The following SARDH variants were observed in gnomAD, a reference collection of about 807,000 sequenced individuals.
SARDH encodes sarcosine dehydrogenase, mitochondrial.
SARDH carries 95 observed loss-of-function variants against 109.1 expected under a neutral mutation model. The ratio of observed to expected loss-of-function variants is 0.87; its 90% CI spans 0.74 to 1.03. The LOEUF (loss-of-function observed/expected upper bound fraction) is 1.03. Among genes scored for constraint, SARDH ranks in the 50% least tolerant of loss-of-function variants. The pLI, the probability that SARDH is intolerant of heterozygous loss-of-function variation, is 0.00. For missense variants in SARDH, 1,267 were observed against 1,287.8 expected (o/e 0.98, Z 0.25); for synonymous variants, 572 against 534.8 (o/e 1.07, Z -0.96).
At position 133,666,486 on chromosome 9, in the gene SARDH, C is replaced by T. The variant is rs1030204457; in HGVS notation, c.2631+249G>A. Among the ~76,000 whole-genome samples, 2 of 151,974 alleles carry T rather than the reference C, an allele frequency of 1.3e-5. No homozygotes were observed. The highest frequency in any genetic ancestry group is 2.9e-5 in the Non-Finnish European group (2 of 67,964). On this transcript the variant is annotated intron_variant, in intron 20 of 20. Coordinates refer to ENST00000439388, the MANE Select transcript of SARDH (RefSeq NM_001134707.2). This position sits in a 1 kb window ranked among gnomAD's most constrained non-coding sequence, Gnocchi z 5.2. ...GCTGAGGCCTCTTCCTCCCCCTTCT[C>T]CTTCTCCCTCCCTCCTCCCTCTCCC...
At chr9:133,725,476 C>T (rs1312335797) in intron 6 of SARDH, 9 of 408,350 alleles carry the variant, frequency 2.2e-5, no homozygotes, top group African/African-American at 1.7e-4. Context: ...AGTTCGAGAC[C>T]AGCCTTGGCA....
In SARDH at chr9:133,730,528, T is replaced by TAAAA. The variant is rs33917417; in HGVS notation, c.691-345_691-342dup. 8.5e-3 allele frequency among the ~76,000 whole-genome samples: 1,209 copies of TAAAA among 142,660 alleles called. 12 individuals carry two copies. The highest frequency in any genetic ancestry group is 0.039 in the Admixed American group (554 of 14,284). 93.6% of individuals were successfully genotyped at this position (142,660 alleles called of 152,430 possible). On this transcript the variant is annotated intron_variant, in intron 4 of 20. Transcript: ENST00000439388. ...AAGATGTTTGCAGTCTACTGCTTGG[T>TAAAA]AAAAAAAAAAAAATCACAAAATAAC...
intron 3 of SARDH, 109 bp from the exon 4 acceptor site, chr9:133,731,593 A>C: frequency 3.5e-6 from 4 of 1,159,260 alleles, no homozygotes; most frequent in Non-Finnish European, 5.0e-6. Context: ...TTTCTCCCAG[A>C]AGCCTTAGCC....
intron 14 of SARDH, among the ~76,000 whole-genome samples, 165 bp downstream of exon 14, chr9:133,696,058 T>G (rs1029312954): frequency 1.1e-3 from 85 of 77,228 alleles, no homozygotes; most frequent in Non-Finnish European, 1.1e-3. Context: ...GGGCCTGGGA[T>G]GGGGCAAAGG....
At position 133,709,629 on chromosome 9, in the gene SARDH, G is replaced by A. The variant is rs926115662; in HGVS notation, c.1329-1201C>T. Among the ~76,000 whole-genome samples the A allele has an allele frequency of 3.3e-5, 5 of 152,290 alleles. No homozygotes were observed. The highest frequency in any genetic ancestry group is 1.2e-4 in the African/African-American group (5 of 41,534). On this transcript the variant is annotated intron_variant, in intron 10 of 20. Transcript: ENST00000439388. This position sits in a 1 kb window ranked among gnomAD's most constrained non-coding sequence, Gnocchi z 4.2. ...TTCTGATCTGGATGGGTGGGGAGTAGAGGTGCAGACGTGAGGATTATTATT... is the reference window on the plus strand; with the variant it reads ...TTCTGATCTGGATGGGTGGGGAGTAAAGGTGCAGACGTGAGGATTATTATT...
Position 133,731,390 on chromosome 9 carries a change from G to A in SARDH, c.605C>T (p.Thr202Ile). The A allele has an allele frequency of 6.2e-7, 1 of 1,614,180 alleles. No homozygotes were observed. Among genetic ancestry groups the A allele is most frequent in the Non-Finnish European group, 8.5e-7 (1 of 1,180,032 alleles). ...GGTACCGTCGTGCGGCACATACAGG[G>A]TCCCGTAGAGGTCGTCCACATTCAT... Reference protein sequence around the residue: ...PLMNVDDLYGTLYVPHDGTMD... With the variant: ...PLMNVDDLYGILYVPHDGTMD... The change falls in exon 4 of 21, where the codon ACC (threonine) becomes ATC (isoleucine). Residue 202 changes from threonine to isoleucine, a missense_variant. By Grantham distance (89) the Thr-to-Ile change is moderately conservative (BLOSUM62 -1). Coordinates refer to ENST00000439388, the MANE Select transcript of SARDH (RefSeq NM_001134707.2).
At chr9:133,688,142 A>T (rs1443447090) in intron 16 of SARDH, among the ~76,000 whole-genome samples, 1 of 152,036 alleles carries the variant, frequency 6.6e-6, no homozygotes, top group Non-Finnish European at 1.5e-5. Flanking sequence ...AGGCCTTGAC[A>T]CCCCTCCCTC....
chr9:133,726,688 G>C (rs1417572742), intron 6 of SARDH, among the ~76,000 whole-genome samples: 2 of 152,132 alleles, frequency 1.3e-5, no homozygotes, highest in African/African-American at 4.8e-5. Context: ...TCTGGCCCTG[G>C]TGCCACTGAC....
At position 133,694,447 on chromosome 9, in the gene SARDH, C is replaced by G. The variant is rs527930379; in HGVS notation, c.1808-76G>C. Reference sequence around the variant, plus strand: ...TGTGCTGCCTCAGTTTCCCCAGGGCCGCTCACAGGGGCAGCTCCTTGTCAC... The same window carrying G: ...TGTGCTGCCTCAGTTTCCCCAGGGCGGCTCACAGGGGCAGCTCCTTGTCAC... On this transcript the variant is annotated intron_variant, in intron 14 of 20. Coordinates refer to ENST00000439388, the MANE Select transcript of SARDH (RefSeq NM_001134707.2). The G allele has an allele frequency of 2.5e-6, 3 of 1,193,538 alleles. No homozygotes were observed. The African/African-American group carries it at 4.6e-5, about 18-fold the overall frequency. The allele number at this position is 1,193,538 out of a possible 1,614,324, so 73.9% of individuals were successfully genotyped here.
At chr9:133,737,816 C>G (rs1249359987) in intron 1 of SARDH, among the ~76,000 whole-genome samples, 1 of 152,252 alleles carries the variant, frequency 6.6e-6, no homozygotes, top group Non-Finnish European at 1.5e-5. Context: ...TTAACCCACT[C>G]TCTTGCCCCC....
rs1222727813 is a variant in SARDH, at chr9:133,732,588, C to G, written c.345G>C (p.Gln115His). 6.2e-7 allele frequency: 1 copy of G among 1,609,040 alleles called. No homozygotes were observed. Among genetic ancestry groups the G allele is most frequent in the Non-Finnish European group, 8.5e-7 (1 of 1,177,356 alleles). Residue 115 changes from glutamine (Q) to histidine (H), a missense_variant, in exon 3 of 21, where the codon CAG becomes CAC. Coordinates refer to ENST00000439388, the MANE Select transcript of SARDH (RefSeq NM_001134707.2). The stretch of plus-strand genomic sequence containing the variant: ...CCACCTCCACGTCACTGGGCCGCAG[C>G]TGCCACAGCAGGCCTGCCCGGGAGG... ...TTWHTAGLLW[Q>H]LRPSDVEVEL...
At chr9:133,725,259 A>C in intron 6 of SARDH, 1 of 165,440 alleles carries the variant, frequency 6.0e-6, no homozygotes, top group Non-Finnish European at 1.3e-5. Flanking sequence ...TGGGGCATGA[A>C]GATAATGTTA....
At chr9:133,681,679 C>T (rs984325499) in intron 17 of SARDH, among the ~76,000 whole-genome samples, 4 of 152,182 alleles carry the variant, frequency 2.6e-5, no homozygotes, top group Admixed American at 1.3e-4. Context: ...GCACTGGGAA[C>T]GGATCGTTAA....
At chr9:133,725,958 G>A (rs1267304621) in intron 6 of SARDH, among the ~76,000 whole-genome samples, 1 of 152,122 alleles carries the variant, frequency 6.6e-6, no homozygotes, top group African/African-American at 2.4e-5. Flanking sequence ...GGGACATTCT[G>A]GCAGATGCTT....
At chr9:133,671,510 C>T (rs1278098994) in intron 18 of SARDH, 25 bp downstream of exon 18, 10 of 1,571,328 alleles carry the variant, frequency 6.4e-6, no homozygotes, top group Admixed American at 3.6e-5. Context: ...GCCCCCGCCC[C>T]GTGCTGTCCA....
At chr9:133,706,864 C>T (rs2131428618) in intron 11 of SARDH, among the ~76,000 whole-genome samples, 1 of 152,198 alleles carries the variant, frequency 6.6e-6, no homozygotes, top group South Asian at 2.1e-4. Context: ...TCCCCTCCAC[C>T]CCCGAGGCCC....
At chr9:133,677,520 T>C (rs1053495431) in intron 17 of SARDH, among the ~76,000 whole-genome samples, 2 of 152,128 alleles carry the variant, frequency 1.3e-5, no homozygotes, top group African/African-American at 4.8e-5. Context: ...ATAGGTGCTT[T>C]GGAATCAAAC....
intron 13 of SARDH, among the ~76,000 whole-genome samples, 174 bp downstream of exon 13, chr9:133,702,742 G>C (rs1021558614): frequency 1.3e-5 from 2 of 152,146 alleles, no homozygotes; most frequent in Non-Finnish European, 2.9e-5. Context: ...AGGGGGAGAG[G>C]AAAACGCATG....
At chr9:133,670,054 T>G (rs532904035) in intron 19 of SARDH, among the ~76,000 whole-genome samples, 1 of 152,304 alleles carries the variant, frequency 6.6e-6, no homozygotes, top group East Asian at 1.9e-4. Context: ...TCCCAGCATG[T>G]TGGGATCCTC....
Sources: gnomAD v4.1 joint callset for allele counts (sites outside exome capture counted in the v4.1 genomes callset) on GRCh38, gnomAD v4.1.1 for gene constraint, Gnocchi (gnomAD v3.1) non-coding constraint, MANE v1.5 for transcripts, NCBI Gene and HGNC (gene_info 2026-07-23, HGNC 2026-07-21) for gene names.